The following KIAA0586 variants were observed in gnomAD, a reference collection of about 807,000 sequenced individuals.
KIAA0586 encodes KIAA0586.
A neutral mutation model predicts 169.8 loss-of-function variants in KIAA0586; 144 were observed. That is an observed-to-expected ratio of 0.85 (90% confidence interval 0.74 to 0.97). The LOEUF is 0.97. KIAA0586 is among the 50% of genes least tolerant of loss of function. The pLI is 0.00. For missense variants in KIAA0586, 1,854 were observed against 1,823.0 expected, an observed-to-expected ratio of 1.02 and a Z score of -0.31; for synonymous variants, 625 against 612.4, an observed-to-expected ratio of 1.02 and a Z score of -0.30.
intron 12 of KIAA0586, 86 bp downstream of exon 12, chr14:58,458,631 A>G (rs962434533): frequency 1.5e-6 from 1 of 678,342 alleles, no homozygotes; most frequent in Non-Finnish European, 2.4e-6. Flanking sequence ...TTTGTTTTCA[A>G]AATATTTCTT....
chr14:58,477,313 TC>T, intron 20 of KIAA0586, 72 bp downstream of exon 20: 1 of 772,612 alleles, frequency 1.3e-6, no homozygotes, highest in Non-Finnish European at 2.1e-6. Flanking sequence ...ATTTATATAT[TC>T]CAGAGGTCAA....
At chr14:58,453,054 A>C (rs1408269139) in intron 8 of KIAA0586, among the ~76,000 whole-genome samples, 1 of 151,834 alleles carries the variant, frequency 6.6e-6, no homozygotes, top group Non-Finnish European at 1.5e-5. Flanking sequence ...AGCAGCTGAG[A>C]TTACAGGCAC....
chr14:58,458,554 T>TG lies in KIAA0586; in HGVS notation c.1656+11dup. On this transcript the variant is annotated intron_variant, in intron 12 of 30. Transcript: ENST00000652326. ...TTTCTGCAGAAATTCAGGTATGTCT[T>TG]GGAAAAAAACTGAAAATTAAGTGAA... is the stretch of plus-strand genomic sequence containing the variant. 1 of 1,489,828 alleles carries TG rather than the reference T, an allele frequency of 6.7e-7. No homozygotes were observed. The highest frequency in any genetic ancestry group is 9.1e-7 in the Non-Finnish European group (1 of 1,102,278). 92.3% of individuals were successfully genotyped at this position (1,489,828 alleles called of 1,614,324 possible).
chr14:58,547,767 T>G lies in KIAA0586; in HGVS notation c.4496-14T>G, dbSNP rs1010426515. The stretch of plus-strand genomic sequence containing the variant: ...TTACGCATGTTGAGCTGAATGAGCT[T>G]CTCCTTTGTGCAGGTGGGAAAGCAG... On this transcript the variant is annotated splice_polypyrimidine_tract_variant and intron_variant, in intron 30 of 30. Transcript: ENST00000652326. The G allele has an allele frequency of 5.0e-6, 8 of 1,611,856 alleles. No homozygotes were observed. In the East Asian group the frequency reaches 1.6e-4, roughly 31 times the overall value.
chr14:58,556,848 C>A, the KIAA0586 span, among the ~76,000 whole-genome samples: 1 of 152,114 alleles, frequency 6.6e-6, no homozygotes, highest in African/African-American at 2.4e-5. Context: ...TGGGTTCAGG[C>A]GATTCTCCTG....
intron 26 of KIAA0586, among the ~76,000 whole-genome samples, chr14:58,498,568 A>G (rs2043326093): frequency 6.6e-6 from 1 of 152,188 alleles, no homozygotes; most frequent in Non-Finnish European, 1.5e-5. Context: ...CATAAAATAT[A>G]TGAAATTATT....
intron 20 of KIAA0586, among the ~76,000 whole-genome samples, chr14:58,477,887 C>T (rs2041767730): frequency 1.3e-5 from 2 of 151,796 alleles, no homozygotes; most frequent in African/African-American, 4.8e-5. Context: ...ATTCTCTTCC[C>T]CATTTTTTCC....
chr14:58,486,070 G>T (rs2042416676), intron 21 of KIAA0586, among the ~76,000 whole-genome samples: 1 of 152,148 alleles, frequency 6.6e-6, no homozygotes, highest in African/African-American at 2.4e-5. Context: ...GTACCCAAAA[G>T]TAGTTTTTCA....
At chr14:58,447,373 TAAAAC>T (rs1171278132) in intron 6 of KIAA0586, among the ~76,000 whole-genome samples, 2 of 152,240 alleles carry the variant, frequency 1.3e-5, no homozygotes, top group Admixed American at 6.5e-5. Context: ...TCACAAAAAT[TAAAAC>T]AAAACAATAA....
In KIAA0586 at chr14:58,428,261, C is replaced by G. The variant is rs375579488; in HGVS notation, c.-4C>G. On this transcript the variant is annotated 5_prime_UTR_variant, in exon 1 of 31. Transcript: ENST00000652326. The stretch of plus-strand genomic sequence containing the variant: ...AGTGTGGGACTTGTTTTGTGACCAA[C>G]AATATGAAAGGCTCTGAGGTCAGCT... 33 of 1,612,228 alleles carry G rather than the reference C, an allele frequency of 2.0e-5. No homozygotes were observed. In the African/African-American group the frequency reaches 4.3e-4, roughly 21 times the overall value.
chr14:58,437,663 T>TGCTA (rs2037939400), intron 4 of KIAA0586, among the ~76,000 whole-genome samples: 1 of 128,756 alleles, frequency 7.8e-6, no homozygotes, highest in East Asian at 2.2e-4. Context: ...GCCATGGTTA[T>TGCTA]GCTAATACAC....
At chr14:58,496,006 A>G (rs2043136622) in intron 26 of KIAA0586, among the ~76,000 whole-genome samples, 1 of 152,124 alleles carries the variant, frequency 6.6e-6, no homozygotes, top group African/African-American at 2.4e-5. Context: ...TAACAGTGAC[A>G]TTTTGCATAT....
intron 4 of KIAA0586, 38 bp downstream of exon 4, chr14:58,432,495 T>C: frequency 9.0e-7 from 1 of 1,111,622 alleles, no homozygotes; most frequent in Non-Finnish European, 1.3e-6. Context: ...GACCATTTCT[T>C]ATGTAAATCA....
intron 4 of KIAA0586, among the ~76,000 whole-genome samples, chr14:58,437,540 A>G (rs1283910011): frequency 6.6e-6 from 1 of 151,798 alleles, no homozygotes; most frequent in African/African-American, 2.4e-5. Flanking sequence ...GCAAGACCCC[A>G]TCTCTAAAAA....
At chr14:58,464,355 C>T (rs1037148066) in intron 14 of KIAA0586, among the ~76,000 whole-genome samples, 33 of 151,528 alleles carry the variant, frequency 2.2e-4, no homozygotes, top group African/African-American at 7.8e-4. Flanking sequence ...GTGGTATCTT[C>T]ACATCTTGGA....
At position 58,540,059 on chromosome 14, in the gene KIAA0586, A is replaced by G; in HGVS notation, c.4430-12A>G. On this transcript the variant is annotated splice_polypyrimidine_tract_variant and intron_variant, in intron 29 of 30. Coordinates refer to ENST00000652326, the MANE Select transcript of KIAA0586 (RefSeq NM_001329943.3). ...AACTGATTTTCTTCTGAAAAAATAA[A>G]TTTTTATGTAGTTTCACCAGGTGAT... The G allele has an allele frequency of 6.7e-7, 1 of 1,502,180 alleles. No individual in the cohort carries two copies. The allele number at this position is 1,502,180 out of a possible 1,614,324, so 93.1% of individuals were successfully genotyped here.
intron 19 of KIAA0586, among the ~76,000 whole-genome samples, chr14:58,475,451 A>G (rs191699799): frequency 3.1e-4 from 47 of 152,134 alleles, no homozygotes; most frequent in Non-Finnish European, 2.4e-4. Flanking sequence ...CCTGATGCCA[A>G]AAAGGTTGGG....
At chr14:58,437,573 G>A (rs1443244333) in intron 4 of KIAA0586, among the ~76,000 whole-genome samples, 1 of 151,812 alleles carries the variant, frequency 6.6e-6, no homozygotes, top group Non-Finnish European at 1.5e-5. Flanking sequence ...CAGGTGGGGT[G>A]GCATGTGCTT....
In KIAA0586 at chr14:58,501,590, A is replaced by G. The variant is rs942187393; in HGVS notation, c.4168+2630A>G. Among the ~76,000 whole-genome samples, 3 of 116,068 alleles carry G rather than the reference A, an allele frequency of 2.6e-5. No homozygotes were observed. In the Admixed American group the frequency reaches 2.9e-4, roughly 11 times the overall value. The allele number at this position is 116,068 out of a possible 152,430, so 76.1% of individuals were successfully genotyped here. A position where few individuals can be genotyped will look rare whatever the true frequency, so the allele number is the denominator to read the frequency against. ...TTACCTATAGTACAGTGCATTTTTAATCTTAGGTACATTGTAGGTATTTAA... is the reference window on the plus strand; with the variant it reads ...TTACCTATAGTACAGTGCATTTTTAGTCTTAGGTACATTGTAGGTATTTAA... On this transcript the variant is annotated intron_variant, in intron 27 of 30. Transcript: ENST00000652326.
Sources: gnomAD v4.1 joint callset for allele counts (sites outside exome capture counted in the v4.1 genomes callset) on GRCh38, gnomAD v4.1.1 for gene constraint, MANE v1.5 for transcripts, NCBI Gene and HGNC (gene_info 2026-07-23, HGNC 2026-07-21) for gene names.